PEX3: variants seen among roughly 807,000 people sequenced by gnomAD.
PEX3 encodes peroxin-3.
In PEX3, 30 loss-of-function variants were observed where a neutral mutation model predicts 55.8. The ratio of observed to expected loss-of-function variants is 0.54; its 90% confidence interval spans 0.40 to 0.73. The LOEUF is 0.73. PEX3 is among the 30% of genes least tolerant of loss of function. The pLI is 0.00. For synonymous variants in PEX3, 135 were observed against 148.4 expected (o/e 0.91, Z 0.66); for missense variants, 351 against 432.8 (o/e 0.81, Z 1.68).
In PEX3 at chr6:143,459,078, A is replaced by AT; in HGVS notation, c.74-5dup. On this transcript the variant is annotated splice_region_variant and splice_polypyrimidine_tract_variant and intron_variant, in intron 1 of 11. Coordinates refer to ENST00000367591, the MANE Select transcript of PEX3 (RefSeq NM_003630.3). This position sits in a 1 kb window ranked among gnomAD's most constrained non-coding sequence, Gnocchi z 4.2. ...TAATGAATATAGTACTTTTTTAATG[A>AT]TTGTAGGAGTATATATTCTGGGGAA... 1.3e-6 allele frequency: 2 copies of AT among 1,567,442 alleles called. No individual in the cohort carries two copies. The highest frequency in any genetic ancestry group is 1.8e-6 in the Non-Finnish European group (2 of 1,137,774).
chr6:143,469,450 G>T (rs1332620083), intron 4 of PEX3, among the ~76,000 whole-genome samples: 2 of 152,172 alleles, frequency 1.3e-5, no homozygotes, highest in Non-Finnish European at 2.9e-5. Flanking sequence ...TTTTTCATGT[G>T]TCTGTTGGCT....
rs1779986120 is a variant in PEX3, at chr6:143,466,029, A to G, written c.288-2093A>G. ...AAGTGCTGCTCTGTGACAGATTGGA[A>G]AGGAAAAGGAAAAAAAATGGATCCT... On this transcript the variant is annotated intron_variant, in intron 3 of 11. Transcript: ENST00000367591. This position sits in a 1 kb window ranked among gnomAD's most constrained non-coding sequence, Gnocchi z 5.4. Among the ~76,000 whole-genome samples the G allele has an allele frequency of 6.6e-6, 1 of 152,010 alleles. No homozygotes were observed. The highest frequency in any genetic ancestry group is 2.4e-5 in the African/African-American group (1 of 41,420).
chr6:143,472,227 G>A lies in PEX3; in HGVS notation c.646G>A (p.Val216Ile), dbSNP rs753255145. The change falls in exon 8 of 12, where the codon GTT becomes ATT. Residue 216 changes from valine to isoleucine, a missense_variant. Coordinates refer to ENST00000367591, the MANE Select transcript of PEX3 (RefSeq NM_003630.3). ...AAAACTAAAAGAAATCAGAAATCTC[G>A]TTGAGCAGCATAAGTCTTCTTCTTG... is the stretch of plus-strand genomic sequence containing the variant. ...EQKLKEIRNL[V>I]EQHKSSSWIN... 71 of 1,608,328 alleles carry A rather than the reference G, an allele frequency of 4.4e-5. 1 individual carries two copies. The highest frequency in any genetic ancestry group is 3.3e-5 in the Admixed American group (2 of 59,990).
chr6:143,473,708 A>T (rs986322564), intron 8 of PEX3, among the ~76,000 whole-genome samples: 9 of 152,074 alleles, frequency 5.9e-5, no homozygotes, highest in African/African-American at 2.2e-4. Context: ...TAAAAATTAA[A>T]ATTAAAAAAA....
At chr6:143,474,895 T>G in intron 9 of PEX3, 39 bp downstream of exon 9, 1 of 1,026,494 alleles carries the variant, frequency 9.7e-7, no homozygotes, top group Non-Finnish European at 1.6e-6. Context: ...TATGTGTGTA[T>G]GTTGAATGTA....
Position 143,471,618 on chromosome 6 carries a change from C to A in PEX3, c.578+7C>A. 1 of 1,604,982 alleles carries A rather than the reference C, an allele frequency of 6.2e-7. No individual in the cohort carries two copies. Among genetic ancestry groups the A allele is most frequent in the Non-Finnish European group, 8.5e-7 (1 of 1,172,364 alleles). On this transcript the variant is annotated splice_region_variant and intron_variant, in intron 7 of 11. Coordinates refer to ENST00000367591, the MANE Select transcript of PEX3 (RefSeq NM_003630.3). This position sits in a 1 kb window ranked among gnomAD's most constrained non-coding sequence, Gnocchi z 5.4. ...TGCAGAAGGTTTTAGGAAGGTAAGG[C>A]ATTTTTCTTTGACTTTTCTGACTTC...
rs1779814756 is a variant in PEX3 at position 143,454,390 on chromosome 6, G to A, written c.73+3275G>A. On this transcript the variant is annotated intron_variant, in intron 1 of 11. Transcript: ENST00000367591. The surrounding 1 kb of genome is among the most constrained non-coding windows in gnomAD (Gnocchi z 4.3). ...GAACCATTGCACTGGAAAAAGTTTT[G>A]GAGAACAGAGAGCAACCAGATTGAT... is the stretch of plus-strand genomic sequence containing the variant. Among the ~76,000 whole-genome samples the A allele has an allele frequency of 6.6e-6, 1 of 152,224 alleles. No homozygotes were observed. The highest frequency in any genetic ancestry group is 1.5e-5 in the Non-Finnish European group (1 of 68,034).
In PEX3 at chr6:143,475,962, C is replaced by G. The variant is rs958866922; in HGVS notation, c.818+1106C>G. ...TCTAAATGCTAGGTCTTCATCCCTA[C>G]TGGAATGTGTATGTTAGTGGGAGAG... On this transcript the variant is annotated intron_variant, in intron 9 of 11. Coordinates refer to ENST00000367591, the MANE Select transcript of PEX3 (RefSeq NM_003630.3). The surrounding 1 kb of genome is among the most constrained non-coding windows in gnomAD (Gnocchi z 4.4). Among the ~76,000 whole-genome samples, 5 of 152,188 alleles carry G rather than the reference C, an allele frequency of 3.3e-5. No homozygotes were observed. Among genetic ancestry groups the G allele is most frequent in the Admixed American group, 1.3e-4 (2 of 15,286 alleles).
At chr6:143,457,374 A>G (rs1393664942) in intron 1 of PEX3, among the ~76,000 whole-genome samples, 3 of 152,234 alleles carry the variant, frequency 2.0e-5, no homozygotes, top group Non-Finnish European at 2.9e-5. Context: ...GTTATAATAC[A>G]TTAATTGCAT....
rs1469169962 is a variant in PEX3, at chr6:143,475,017, T to G, written c.818+161T>G. Among the ~76,000 whole-genome samples the G allele has an allele frequency of 6.6e-6, 1 of 152,210 alleles. No individual in the cohort carries two copies. The highest frequency in any genetic ancestry group is 2.4e-5 in the African/African-American group (1 of 41,452). ...TTTAGATAAGATTTCCTACTCAAAC[T>G]GGAGGGAAGCAGGGATTTCTTAGGG... is the stretch of plus-strand genomic sequence containing the variant. On this transcript the variant is annotated intron_variant, in intron 9 of 11. Transcript: ENST00000367591. The surrounding 1 kb of genome is among the most constrained non-coding windows in gnomAD (Gnocchi z 4.4).
Position 143,486,468 on chromosome 6 carries a change from T to C in PEX3, c.1038+1220T>C, listed in dbSNP as rs1482466502. 1.3e-5 allele frequency among the ~76,000 whole-genome samples: 2 copies of C among 152,112 alleles called. No individual in the cohort carries two copies. The highest frequency in any genetic ancestry group is 2.1e-4 in the South Asian group (1 of 4,832). On this transcript the variant is annotated intron_variant, in intron 11 of 11. Coordinates refer to ENST00000367591, the MANE Select transcript of PEX3 (RefSeq NM_003630.3). The surrounding 1 kb of genome is among the most constrained non-coding windows in gnomAD (Gnocchi z 5.0). ...CGATATAATTGATAATAAAAACAAA[T>C]GTTTCAATATGGTAAAAACGCCATT...
chr6:143,473,226 T>C (rs1321679275), intron 8 of PEX3, among the ~76,000 whole-genome samples: 1 of 152,198 alleles, frequency 6.6e-6, no homozygotes, highest in East Asian at 1.9e-4. Context: ...TGCTGAGAGA[T>C]CCTACATTCA....
intron 3 of PEX3, among the ~76,000 whole-genome samples, chr6:143,467,616 T>C (rs4896659): frequency 0.32 from 47,934 of 151,874 alleles, 8,630 homozygotes; most frequent in African/African-American, 0.5. Flanking sequence ...AATAAAAGAT[T>C]ATACAAATCA....
At chr6:143,470,034 C>T (rs1562654179) in intron 4 of PEX3, among the ~76,000 whole-genome samples, 2 of 152,200 alleles carry the variant, frequency 1.3e-5, no homozygotes, top group East Asian at 1.9e-4. Context: ...ACTGCAACCT[C>T]CACCTCCTGG....
rs1287179406 is a variant in PEX3 at position 143,486,136 on chromosome 6, C to A, written c.1038+888C>A. Among the ~76,000 whole-genome samples the A allele has an allele frequency of 3.3e-5, 5 of 152,152 alleles. No homozygotes were observed. The highest frequency in any genetic ancestry group is 1.2e-4 in the African/African-American group (5 of 41,456). ...TCCTTCACATGCACATTTTCCCACA[C>A]TGGACTCTTCAGTCTTCTGTCCTCT... On this transcript the variant is annotated intron_variant, in intron 11 of 11. Coordinates refer to ENST00000367591, the MANE Select transcript of PEX3 (RefSeq NM_003630.3). The surrounding 1 kb of genome is among the most constrained non-coding windows in gnomAD (Gnocchi z 5.0).
chr6:143,470,195 G>A (rs930453190), intron 4 of PEX3, among the ~76,000 whole-genome samples: 10 of 152,104 alleles, frequency 6.6e-5, no homozygotes, highest in Non-Finnish European at 1.3e-4. Context: ...TGATCCGCCC[G>A]CCTCGGCCTC....
rs1323314887 is a variant in PEX3, at chr6:143,458,787, C to A, written c.74-298C>A. 6.6e-6 allele frequency among the ~76,000 whole-genome samples: 1 copy of A among 152,170 alleles called. No homozygotes were observed. Among genetic ancestry groups the A allele is most frequent in the Non-Finnish European group, 1.5e-5 (1 of 68,032 alleles). On this transcript the variant is annotated intron_variant, in intron 1 of 11. Coordinates refer to ENST00000367591, the MANE Select transcript of PEX3 (RefSeq NM_003630.3). The surrounding 1 kb of genome is among the most constrained non-coding windows in gnomAD (Gnocchi z 6.1). Reference sequence around the variant, plus strand: ...CATTTATTTAAACAATTCTCCATTGCTGGACATGTAGAATATCTCTAGTCT... The same window carrying A: ...CATTTATTTAAACAATTCTCCATTGATGGACATGTAGAATATCTCTAGTCT...
rs1780277623 is a variant in PEX3, at chr6:143,483,891, G to C, written c.942-1261G>C. On this transcript the variant is annotated intron_variant, in intron 10 of 11. Transcript: ENST00000367591. The surrounding 1 kb of genome is among the most constrained non-coding windows in gnomAD (Gnocchi z 4.3). ...GCTTGCATGATAGTGAGGGGAGACA[G>C]AGCAATCAAGTAATCAAAATCATGA... Among the ~76,000 whole-genome samples, 1 of 151,906 alleles carries C rather than the reference G, an allele frequency of 6.6e-6. No individual in the cohort carries two copies. The highest frequency in any genetic ancestry group is 1.5e-5 in the Non-Finnish European group (1 of 67,974).
rs2128748172 is a variant in PEX3 at position 143,486,857 on chromosome 6, A to G, written c.1038+1609A>G. On this transcript the variant is annotated intron_variant, in intron 11 of 11. Coordinates refer to ENST00000367591, the MANE Select transcript of PEX3 (RefSeq NM_003630.3). This position sits in a 1 kb window ranked among gnomAD's most constrained non-coding sequence, Gnocchi z 5.0. Reference sequence around the variant, plus strand: ...ACATACTTTAGGCTTAATGCAACATACATTCTCTACAGAAACTATTCAACT... The same window carrying G: ...ACATACTTTAGGCTTAATGCAACATGCATTCTCTACAGAAACTATTCAACT... 6.6e-6 allele frequency among the ~76,000 whole-genome samples: 1 copy of G among 152,280 alleles called. No homozygotes were observed. Among genetic ancestry groups the G allele is most frequent in the Non-Finnish European group, 1.5e-5 (1 of 68,002 alleles).
Sources: gnomAD v4.1 joint callset for allele counts (sites outside exome capture counted in the v4.1 genomes callset) on GRCh38, gnomAD v4.1.1 for gene constraint, Gnocchi (gnomAD v3.1) non-coding constraint, MANE v1.5 for transcripts, NCBI Gene and HGNC (gene_info 2026-07-23, HGNC 2026-07-21) for gene names.